Variants in YEATS2 observed in about 807,000 individuals in gnomAD.
YEATS2 encodes YEATS domain-containing protein 2.
YEATS2 carries 77 observed loss-of-function variants against 163.2 expected under a neutral mutation model. The observed-to-expected ratio is 0.47, with a 90% CI of 0.39 to 0.57. YEATS2 has a LOEUF of 0.57. Ranked by LOEUF, YEATS2 falls within the 20% of genes least tolerant of loss-of-function variation. The probability of loss-of-function intolerance (pLI) is 0.00; values close to 1 mark genes in which losing one functional copy is unlikely to be tolerated. For synonymous variants in YEATS2, 631 were observed against 645.1 expected, an observed-to-expected ratio of 0.98 and a Z score of 0.33; for missense variants, 1,549 against 1,729.8, an observed-to-expected ratio of 0.90 and a Z score of 1.85.
chr3:183,741,951 G>A (rs1305253255), intron 8 of YEATS2, among the ~76,000 whole-genome samples: 1 of 151,742 alleles, frequency 6.6e-6, no homozygotes, highest in Non-Finnish European at 1.5e-5. Context: ...GCTCATGCCT[G>A]TAATCCCAGC....
chr3:183,803,162 G>A (rs1324436783), intron 25 of YEATS2, 94 bp from the exon 26 acceptor site: 11 of 1,291,734 alleles, frequency 8.5e-6, no homozygotes, highest in Non-Finnish European at 1.2e-5. Context: ...GCGATAAAGA[G>A]GTCTGAAGAA....
At chr3:183,717,791 A>G (rs752556295) in intron 3 of YEATS2, 43 bp downstream of exon 3, 2 of 1,214,174 alleles carry the variant, frequency 1.6e-6, no homozygotes, top group Non-Finnish European at 1.1e-6. Flanking sequence ...AGCTATTGAA[A>G]AAAATGTATA....
chr3:183,766,074 C>T (rs1721875829), intron 15 of YEATS2, among the ~76,000 whole-genome samples: 2 of 152,116 alleles, frequency 1.3e-5, no homozygotes, highest in South Asian at 4.1e-4. Context: ...AGAGGTGCTG[C>T]CTTTGACATG....
chr3:183,715,124 A>C lies in YEATS2; in HGVS notation c.-19-20A>C, dbSNP rs766828632. ...TTTAACTGAATAATTAAAAATTATT[A>C]ATTTATCATTGCTTCACAGTGAAGA... On this transcript the variant is annotated intron_variant, in intron 1 of 30. Coordinates refer to ENST00000305135, the MANE Select transcript of YEATS2 (RefSeq NM_018023.5). 2 of 1,465,462 alleles carry C rather than the reference A, an allele frequency of 1.4e-6. No homozygotes were observed. Among genetic ancestry groups the C allele is most frequent in the South Asian group, 2.4e-5 (2 of 84,988 alleles). 90.8% of individuals were successfully genotyped at this position (1,465,462 alleles called of 1,614,324 possible). A position where few individuals can be genotyped will look rare whatever the true frequency, so the allele number is the denominator to read the frequency against.
intron 15 of YEATS2, among the ~76,000 whole-genome samples, chr3:183,766,109 A>G (rs1721879087): frequency 6.6e-6 from 1 of 152,220 alleles, no homozygotes; most frequent in African/African-American, 2.4e-5. Context: ...AGGAATAAGT[A>G]GTTCCATATG....
chr3:183,779,889 G>C (rs943912680), intron 19 of YEATS2, among the ~76,000 whole-genome samples: 3 of 151,676 alleles, frequency 2.0e-5, no homozygotes, highest in Non-Finnish European at 4.4e-5. Flanking sequence ...CTAGAGACGG[G>C]GTTTCACCAC....
rs1726309192 is a variant in YEATS2 at position 183,807,247 on chromosome 3, T to C, written c.4011+155T>C. 1.3e-5 allele frequency: 9 copies of C among 694,002 alleles called. No individual in the cohort carries two copies. The East Asian group carries it at 2.5e-4, about 19-fold the overall frequency. 43.0% of individuals were successfully genotyped at this position (694,002 alleles called of 1,614,324 possible). On this transcript the variant is annotated intron_variant, in intron 28 of 30. Coordinates refer to ENST00000305135, the MANE Select transcript of YEATS2 (RefSeq NM_018023.5). ...GTGCCGTAGATGCTTGACTTCCTTCTGCCTGGTTGACCCAGGTGTGCTCTC... is the reference window on the plus strand; with the variant it reads ...GTGCCGTAGATGCTTGACTTCCTTCCGCCTGGTTGACCCAGGTGTGCTCTC...
At chr3:183,706,828 A>T (rs193205637) in intron 1 of YEATS2, among the ~76,000 whole-genome samples, 141 of 152,252 alleles carry the variant, frequency 9.3e-4, no homozygotes, top group African/African-American at 3.3e-3. Flanking sequence ...AAAAAAAAAA[A>T]GTTAGGTGGA....
At chr3:183,747,475 T>C (rs1429329108) in intron 8 of YEATS2, among the ~76,000 whole-genome samples, 197 bp from the exon 9 acceptor site, 1 of 152,092 alleles carries the variant, frequency 6.6e-6, no homozygotes, top group Admixed American at 6.5e-5. Context: ...ATTAAAAATA[T>C]AGTAACTATA....
At chr3:183,777,502 C>T (rs747797756) in intron 18 of YEATS2, 40 bp from the exon 19 acceptor site, 2 of 1,601,346 alleles carry the variant, frequency 1.2e-6, no homozygotes, top group East Asian at 4.5e-5. Flanking sequence ...CTGAATTTAA[C>T]AAATTACCGA....
chr3:183,773,268 A>G (rs1330408787), intron 16 of YEATS2, among the ~76,000 whole-genome samples: 3 of 152,194 alleles, frequency 2.0e-5, no homozygotes, highest in African/African-American at 7.2e-5. Flanking sequence ...CTCCATAGAC[A>G]GGGTGATTAT....
At position 183,806,370 on chromosome 3, in the gene YEATS2, G is replaced by T. The variant is rs1049372364; in HGVS notation, c.3785-496G>T. ...AAAGTGGAAGGGCACTAGTGCCCTA[G>T]ATCTGGCCTTGAGGTCCTCACACTC... is the stretch of plus-strand genomic sequence containing the variant. On this transcript the variant is annotated intron_variant, in intron 27 of 30. Transcript: ENST00000305135. 7.7e-5 allele frequency: 35 copies of T among 456,488 alleles called. No individual in the cohort carries two copies. In the Admixed American group the frequency reaches 8.2e-4, roughly 11 times the overall value. The allele number at this position is 456,488 out of a possible 1,614,324, so 28.3% of individuals were successfully genotyped here. A position where few individuals can be genotyped will look rare whatever the true frequency, so the allele number is the denominator to read the frequency against.
intron 25 of YEATS2, 107 bp from the exon 26 acceptor site, chr3:183,803,149 C>A (rs1048025952): frequency 1.7e-6 from 2 of 1,153,544 alleles, no homozygotes; most frequent in Admixed American, 4.0e-5. Context: ...AAGGAACATA[C>A]ATGCGATAAA....
At position 183,810,811 on chromosome 3, in the gene YEATS2, C is replaced by T. The variant is rs1234071715; in HGVS notation, c.*228C>T. ...GTGTGGAGTGAGGCTGTCAGTGGAT[C>T]CGTGCTTTGTCGGCCAGCGTTTCTG... is the stretch of plus-strand genomic sequence containing the variant. On this transcript the variant is annotated 3_prime_UTR_variant, in exon 31 of 31. Transcript: ENST00000305135. 2.3e-5 allele frequency: 12 copies of T among 525,838 alleles called. No individual in the cohort carries two copies. The highest frequency in any genetic ancestry group is 2.8e-5 in the Non-Finnish European group (8 of 290,850). 32.6% of individuals were successfully genotyped at this position (525,838 alleles called of 1,614,324 possible).
intron 9 of YEATS2, among the ~76,000 whole-genome samples, chr3:183,750,550 C>T (rs1011512626): frequency 1.3e-5 from 2 of 152,198 alleles, no homozygotes; most frequent in African/African-American, 2.4e-5. Flanking sequence ...CAACAGTGCA[C>T]ACGTATTCCA....
intron 7 of YEATS2, among the ~76,000 whole-genome samples, chr3:183,732,023 G>A (rs1717840068): frequency 6.6e-6 from 1 of 151,950 alleles, no homozygotes; most frequent in Non-Finnish European, 1.5e-5. Context: ...ATCATATGCT[G>A]TGATCAACCA....
intron 8 of YEATS2, among the ~76,000 whole-genome samples, chr3:183,743,776 T>G (rs571606875): frequency 6.6e-6 from 1 of 152,338 alleles, no homozygotes; most frequent in Admixed American, 6.5e-5. Context: ...CAAAGCACCC[T>G]TACTTTGTGG....
At chr3:183,706,699 C>T (rs116718661) in intron 1 of YEATS2, among the ~76,000 whole-genome samples, 1 of 152,090 alleles carries the variant, frequency 6.6e-6, no homozygotes, top group Non-Finnish European at 1.5e-5. Flanking sequence ...ACTTGTAATC[C>T]CAGCTACCCA....
rs1719661006 is a variant in YEATS2, at chr3:183,747,414, C to A, written c.925-258C>A. 1.3e-5 allele frequency among the ~76,000 whole-genome samples: 2 copies of A among 151,966 alleles called. 1 individual carries two copies. Among genetic ancestry groups the A allele is most frequent in the South Asian group, 4.1e-4 (2 of 4,822 alleles). The stretch of plus-strand genomic sequence containing the variant: ...GTAAACATCTTTTTGTGTAAAACTT[C>A]CTCCATTTTTACATTGTCCTTAGAA... On this transcript the variant is annotated intron_variant, in intron 8 of 30. Coordinates refer to ENST00000305135, the MANE Select transcript of YEATS2 (RefSeq NM_018023.5).
Sources: allele counts gnomAD v4.1 joint callset (sites outside exome capture counted in the v4.1 genomes callset), GRCh38; gene constraint gnomAD v4.1.1; transcripts MANE v1.5; gene names NCBI Gene and HGNC (gene_info 2026-07-23, HGNC 2026-07-21).